Variants in KIRREL3 observed in about 807,000 individuals in gnomAD.
The protein encoded by KIRREL3 is kirre like nephrin family adhesion molecule 3, also known as kin of IRRE-like protein 3.
A neutral mutation model predicts 89.7 loss-of-function variants in KIRREL3; 36 were observed. The ratio of observed to expected loss-of-function variants is 0.40; its 90% CI spans 0.31 to 0.53. The LOEUF (loss-of-function observed/expected upper bound fraction) is 0.53. Among genes scored for constraint, KIRREL3 ranks in the 20% least tolerant of loss-of-function variants. KIRREL3 has a pLI of 0.49. For synonymous variants in KIRREL3, 445 were observed against 441.4 expected (o/e 1.01, Z -0.10); for missense variants, 864 against 1,056.6 (o/e 0.82, Z 2.53).
intron 1 of KIRREL3, among the ~76,000 whole-genome samples, chr11:126,974,489 C>G (rs1478744953): frequency 2.4e-5 from 3 of 122,790 alleles, no homozygotes; most frequent in African/African-American, 9.1e-5. Context: ...CACACCTAGG[C>G]TACATGATAT....
At chr11:126,878,708 A>G (rs1945384864) in intron 1 of KIRREL3, among the ~76,000 whole-genome samples, 1 of 152,170 alleles carries the variant, frequency 6.6e-6, no homozygotes, top group Admixed American at 6.5e-5. Flanking sequence ...AAAATGGTGT[A>G]AGCTCTGGCC....
chr11:126,860,912 A>G lies in KIRREL3; in HGVS notation c.55+139543T>C, dbSNP rs903074011. On this transcript the variant is annotated intron_variant, in intron 1 of 16. Transcript: ENST00000525144. This position sits in a 1 kb window ranked among gnomAD's most constrained non-coding sequence, Gnocchi z 4.6. Reference sequence around the variant, plus strand: ...CTACCTCCTTTGTACCACTCTTGGTACGTGCCACCTCCTATACAAAGCCTC... The same window carrying G: ...CTACCTCCTTTGTACCACTCTTGGTGCGTGCCACCTCCTATACAAAGCCTC... 3.9e-5 allele frequency among the ~76,000 whole-genome samples: 6 copies of G among 152,140 alleles called. No individual in the cohort carries two copies. Among genetic ancestry groups the G allele is most frequent in the African/African-American group, 1.4e-4 (6 of 41,432 alleles).
rs889498488 is a variant in KIRREL3 at position 126,870,107 on chromosome 11, C to T, written c.55+130348G>A. On this transcript the variant is annotated intron_variant, in intron 1 of 16. Transcript: ENST00000525144. This position sits in a 1 kb window ranked among gnomAD's most constrained non-coding sequence, Gnocchi z 4.4. ...TGGCACTTCCTTTGAATCAGGGGCCCATGAGCACTGTGATTAATGACCAGG... is the reference window on the plus strand; with the variant it reads ...TGGCACTTCCTTTGAATCAGGGGCCTATGAGCACTGTGATTAATGACCAGG... Among the ~76,000 whole-genome samples the T allele has an allele frequency of 2.6e-5, 4 of 152,184 alleles. No homozygotes were observed. Among genetic ancestry groups the T allele is most frequent in the Non-Finnish European group, 1.5e-5 (1 of 68,042 alleles).
chr11:126,459,577 A>G lies in KIRREL3; in HGVS notation c.743-3123T>C, dbSNP rs533261561. ...GTATAAATAGTTTATGTCATATCCA[A>G]CTATTAAACATGATTTTAATCTCAC... On this transcript the variant is annotated intron_variant, in intron 6 of 16. Coordinates refer to ENST00000525144, the MANE Select transcript of KIRREL3 (RefSeq NM_032531.4). The surrounding 1 kb of genome is among the most constrained non-coding windows in gnomAD (Gnocchi z 4.8). Among the ~76,000 whole-genome samples, 1 of 152,328 alleles carries G rather than the reference A, an allele frequency of 6.6e-6. No individual in the cohort carries two copies. The highest frequency in any genetic ancestry group is 1.9e-4 in the East Asian group (1 of 5,180).
intron 1 of KIRREL3, among the ~76,000 whole-genome samples, chr11:126,644,189 A>C (rs1216132610): frequency 2.0e-5 from 3 of 152,222 alleles, no homozygotes; most frequent in Non-Finnish European, 4.4e-5. Context: ...TCCAGTGTAT[A>C]GTGGGCTATG....
chr11:126,853,493 T>G (rs1412640177), intron 1 of KIRREL3, among the ~76,000 whole-genome samples: 2 of 152,216 alleles, frequency 1.3e-5, no homozygotes, highest in East Asian at 3.8e-4. Flanking sequence ...TTTAATATGC[T>G]TTTCATGAGT....
chr11:126,900,199 A>G lies in KIRREL3; in HGVS notation c.55+100256T>C, dbSNP rs923052989. On this transcript the variant is annotated intron_variant, in intron 1 of 16. Transcript: ENST00000525144. The surrounding 1 kb of genome is among the most constrained non-coding windows in gnomAD (Gnocchi z 4.4). ...TACAGCTCTCATGTGCCTAATTTATAGCAAGTCACCTACTACTAGAACATC... is the reference window on the plus strand; with the variant it reads ...TACAGCTCTCATGTGCCTAATTTATGGCAAGTCACCTACTACTAGAACATC... Among the ~76,000 whole-genome samples, 6 of 152,194 alleles carry G rather than the reference A, an allele frequency of 3.9e-5. No individual in the cohort carries two copies. Among genetic ancestry groups the G allele is most frequent in the African/African-American group, 1.4e-4 (6 of 41,456 alleles).
intron 1 of KIRREL3, among the ~76,000 whole-genome samples, chr11:126,699,533 T>C (rs1947232616): frequency 6.6e-6 from 1 of 152,224 alleles, no homozygotes; most frequent in Admixed American, 6.5e-5. Flanking sequence ...TGTTTTATTT[T>C]AGTAATATTT....
At position 126,924,359 on chromosome 11, in the gene KIRREL3, GTC is replaced by G. The variant is rs1231067306; in HGVS notation, c.55+76094_55+76095del. Among the ~76,000 whole-genome samples the G allele has an allele frequency of 2.0e-5, 3 of 152,132 alleles. No homozygotes were observed. The highest frequency in any genetic ancestry group is 7.2e-5 in the African/African-American group (3 of 41,428). On this transcript the variant is annotated intron_variant, in intron 1 of 16. Coordinates refer to ENST00000525144, the MANE Select transcript of KIRREL3 (RefSeq NM_032531.4). The surrounding 1 kb of genome is among the most constrained non-coding windows in gnomAD (Gnocchi z 4.7). ...TCTTGCTTACACCCTTCAGAAAGCT[GTC>G]TCCCAGCACCTAGCATAACACCAGG...
chr11:126,937,774 C>T (rs909745444), intron 1 of KIRREL3, among the ~76,000 whole-genome samples: 3 of 152,206 alleles, frequency 2.0e-5, no homozygotes, highest in Non-Finnish European at 4.4e-5. Context: ...TGGCAGGTGC[C>T]TGTAGTCCCA....
rs187676770 is a variant in KIRREL3, at chr11:126,432,058, G to A, written c.1589-532C>T. Among the ~76,000 whole-genome samples the A allele has an allele frequency of 7.2e-5, 11 of 152,204 alleles. No homozygotes were observed. Among genetic ancestry groups the A allele is most frequent in the Admixed American group, 2.0e-4 (3 of 15,284 alleles). On this transcript the variant is annotated intron_variant, in intron 13 of 16. Transcript: ENST00000525144. This position sits in a 1 kb window ranked among gnomAD's most constrained non-coding sequence, Gnocchi z 6.2. ...GTTTGCAGGTCTAAGTAGCTTCCCCGCAGGTCTGCTGGGCATCAGTTGTGG... is the reference window on the plus strand; with the variant it reads ...GTTTGCAGGTCTAAGTAGCTTCCCCACAGGTCTGCTGGGCATCAGTTGTGG...
intron 1 of KIRREL3, among the ~76,000 whole-genome samples, chr11:126,691,537 G>A (rs1328447791): frequency 1.3e-5 from 2 of 152,124 alleles, no homozygotes; most frequent in African/African-American, 2.4e-5. Flanking sequence ...TCAGAAGAAT[G>A]CATATTGCAT....
chr11:126,552,302 GAAGGTTACGT>G (rs1939326975), intron 2 of KIRREL3, among the ~76,000 whole-genome samples: 1 of 152,144 alleles, frequency 6.6e-6, no homozygotes, highest in Non-Finnish European at 1.5e-5. Context: ...TCATACCCGG[GAAGGTTACGT>G]AAGTTCCAAA....
At chr11:126,971,459 G>C (rs150345606) in intron 1 of KIRREL3, among the ~76,000 whole-genome samples, 2 of 152,086 alleles carry the variant, frequency 1.3e-5, no homozygotes, top group African/African-American at 4.8e-5. Flanking sequence ...TGTTCTGTTC[G>C]GGGTGTTGTC....
rs1184768293 is a variant in KIRREL3 at position 126,432,390 on chromosome 11, A to G, written c.1589-864T>C. Reference sequence around the variant, plus strand: ...CAGCCTTGGCCCTTCTACAGCTGCAAGTGGGGTCGGAGCACATGATTTAGG... The same window carrying G: ...CAGCCTTGGCCCTTCTACAGCTGCAGGTGGGGTCGGAGCACATGATTTAGG... On this transcript the variant is annotated intron_variant, in intron 13 of 16. Transcript: ENST00000525144. This position sits in a 1 kb window ranked among gnomAD's most constrained non-coding sequence, Gnocchi z 6.2. Among the ~76,000 whole-genome samples, 3 of 152,146 alleles carry G rather than the reference A, an allele frequency of 2.0e-5. No individual in the cohort carries two copies. Among genetic ancestry groups the G allele is most frequent in the East Asian group, 1.9e-4 (1 of 5,198 alleles).
chr11:126,890,482 C>T lies in KIRREL3; in HGVS notation c.55+109973G>A, dbSNP rs1945869606. 6.6e-6 allele frequency among the ~76,000 whole-genome samples: 1 copy of T among 152,176 alleles called. No individual in the cohort carries two copies. The highest frequency in any genetic ancestry group is 1.5e-5 in the Non-Finnish European group (1 of 68,022). On this transcript the variant is annotated intron_variant, in intron 1 of 16. Coordinates refer to ENST00000525144, the MANE Select transcript of KIRREL3 (RefSeq NM_032531.4). This position sits in a 1 kb window ranked among gnomAD's most constrained non-coding sequence, Gnocchi z 5.1. The stretch of plus-strand genomic sequence containing the variant: ...TCTGGCACTCTAATTGTCCAATCTG[C>T]TGCTCAATTTTCAACAGGATCTCAT...
intron 1 of KIRREL3, among the ~76,000 whole-genome samples, chr11:126,637,830 C>T (rs1007865130): frequency 6.6e-6 from 1 of 152,170 alleles, no homozygotes; most frequent in African/African-American, 2.4e-5. Context: ...TACAATGTGC[C>T]AAGCCTAGCA....
At chr11:126,982,656 ACT>A (rs1949750709) in intron 1 of KIRREL3, among the ~76,000 whole-genome samples, 1 of 152,076 alleles carries the variant, frequency 6.6e-6, no homozygotes, top group South Asian at 2.1e-4. Flanking sequence ...TCCAGGCGTG[ACT>A]CTTTTCTAGC....
intron 1 of KIRREL3, among the ~76,000 whole-genome samples, chr11:126,787,304 G>T (rs1340703543): frequency 6.6e-6 from 1 of 152,154 alleles, no homozygotes; most frequent in Non-Finnish European, 1.5e-5. Context: ...TTTATGTGTG[G>T]GGAGTTTGCA....
Sources: allele counts gnomAD v4.1 joint callset (sites outside exome capture counted in the v4.1 genomes callset), GRCh38; gene constraint gnomAD v4.1.1; non-coding constraint Gnocchi (gnomAD v3.1); transcripts MANE v1.5; gene names NCBI Gene and HGNC (gene_info 2026-07-23, HGNC 2026-07-21).